The following FHIT variants were observed in gnomAD, a reference collection of about 807,000 sequenced individuals.
FHIT encodes the protein bis(5'-adenosyl)-triphosphatase.
FHIT carries 19 observed loss-of-function variants against 17.9 expected under a neutral mutation model. That is an observed-to-expected ratio of 1.06 (90% CI 0.74 to 1.56). FHIT has a LOEUF of 1.56. Ranked by LOEUF, FHIT falls within the 40% of genes most tolerant of loss-of-function variation. The pLI is 0.00. For synonymous variants in FHIT, 81 were observed against 69.7 expected (o/e 1.16, Z -0.81); for missense variants, 248 against 189.2 (o/e 1.31, Z -1.82).
Position 60,759,792 on chromosome 3 carries a change from C to T in FHIT, c.-18+62127G>A, listed in dbSNP as rs757682998. Among the ~76,000 whole-genome samples, 18 of 152,292 alleles carry T rather than the reference C, an allele frequency of 1.2e-4. No homozygotes were observed. In the East Asian group the frequency reaches 1.7e-3, roughly 15 times the overall value. ...ACCCAGACAAGTGCATTCTGAGAAG[C>T]GGTGGGGATGAAAGTGGGATGGAGA... On this transcript the variant is annotated intron_variant, in intron 4 of 9. Coordinates refer to ENST00000492590, the MANE Select transcript of FHIT (RefSeq NM_002012.4).
intron 4 of FHIT, 65 bp from the exon 5 acceptor site, chr3:60,537,044 A>T: frequency 7.5e-7 from 1 of 1,339,494 alleles, no homozygotes; most frequent in Non-Finnish European, 1.0e-6. Context: ...ATACCACCTT[A>T]AAGAAAGCAA....
chr3:60,872,640 A>G (rs1050035104), intron 3 of FHIT, among the ~76,000 whole-genome samples: 1 of 152,194 alleles, frequency 6.6e-6, no homozygotes, highest in Admixed American at 6.5e-5. Flanking sequence ...CTCAGTCATT[A>G]GCCCATAACG....
At chr3:60,288,566 A>AGTGTGTGTGTGT (rs139336094) in intron 5 of FHIT, among the ~76,000 whole-genome samples, 70 of 144,662 alleles carry the variant, frequency 4.8e-4, no homozygotes, top group African/African-American at 7.7e-4. Context: ...GTTCTGGCAC[A>AGTGTGTGTGTGT]GTGTGTGTGT....
intron 8 of FHIT, among the ~76,000 whole-genome samples, chr3:59,758,902 G>T (rs1206084858): frequency 6.6e-6 from 1 of 151,972 alleles, no homozygotes; most frequent in Non-Finnish European, 1.5e-5. Context: ...ATGCTTGTGG[G>T]TGGCAGTTTC....
chr3:60,101,997 A>T (rs1036017266), intron 5 of FHIT, among the ~76,000 whole-genome samples: 36 of 152,290 alleles, frequency 2.4e-4, no homozygotes, highest in African/African-American at 8.4e-4. Flanking sequence ...TTCCTCTAGG[A>T]TTTCAAAAGA....
intron 4 of FHIT, among the ~76,000 whole-genome samples, chr3:60,687,087 A>C (rs569366552): frequency 2.0e-5 from 3 of 152,352 alleles, no homozygotes; most frequent in East Asian, 3.9e-4. Context: ...AATATTTACA[A>C]TGTTAACGTT....
At position 59,791,690 on chromosome 3, in the gene FHIT, C is replaced by T. The variant is rs116073086; in HGVS notation, c.349-39369G>A. On this transcript the variant is annotated intron_variant, in intron 8 of 9. Transcript: ENST00000492590. ...TGTATTCCCAATGCTGAGTATAGGC[C>T]TTGTCCTTAGTAAAGGCTTGTTGAA... Among the ~76,000 whole-genome samples, 156 of 152,062 alleles carry T rather than the reference C, an allele frequency of 1.0e-3. 1 individual carries two copies. Among genetic ancestry groups the T allele is most frequent in the African/African-American group, 3.7e-3 (152 of 41,446 alleles).
chr3:59,773,403 G>A (rs112936396), intron 8 of FHIT, among the ~76,000 whole-genome samples: 2 of 152,168 alleles, frequency 1.3e-5, no homozygotes, highest in Non-Finnish European at 2.9e-5. Context: ...AAAAAGCTGC[G>A]TATCTTCTCT....
intron 5 of FHIT, among the ~76,000 whole-genome samples, chr3:60,172,078 A>G (rs568849093): frequency 6.6e-6 from 1 of 152,198 alleles, no homozygotes; most frequent in East Asian, 1.9e-4. Flanking sequence ...AGTAGGGGAG[A>G]CAGGTATTAT....
At chr3:59,977,717 T>A (rs1018313155) in intron 7 of FHIT, among the ~76,000 whole-genome samples, 2 of 152,128 alleles carry the variant, frequency 1.3e-5, no homozygotes, top group Admixed American at 6.6e-5. Flanking sequence ...GCAAAGAGAT[T>A]CTCTCATGCC....
chr3:60,294,555 T>A (rs908593481), intron 5 of FHIT, among the ~76,000 whole-genome samples: 7 of 152,140 alleles, frequency 4.6e-5, no homozygotes, highest in Non-Finnish European at 8.8e-5. Context: ...GTGCCTAAAA[T>A]AACAATTACA....
At chr3:60,012,892 A>G (rs1700195726) in intron 6 of FHIT, among the ~76,000 whole-genome samples, 1 of 152,186 alleles carries the variant, frequency 6.6e-6, no homozygotes, top group South Asian at 2.1e-4. Flanking sequence ...TTATTCTTGT[A>G]TCTCACTAAA....
At chr3:61,249,933 AAC>A (rs71100943) in intron 1 of FHIT, among the ~76,000 whole-genome samples, 21,858 of 125,466 alleles carry the variant, frequency 0.17, 2,231 homozygotes, top group Non-Finnish European at 0.24. Context: ...AATCAATAAC[AAC>A]ACACACACAC....
intron 4 of FHIT, among the ~76,000 whole-genome samples, chr3:60,774,539 G>C (rs1156666396): frequency 6.6e-6 from 1 of 152,106 alleles, no homozygotes; most frequent in Non-Finnish European, 1.5e-5. Context: ...GACCTCAAGT[G>C]ATCTGCCCAC....
chr3:60,851,959 T>C (rs1442893804), intron 3 of FHIT, among the ~76,000 whole-genome samples: 2 of 152,158 alleles, frequency 1.3e-5, no homozygotes, highest in African/African-American at 4.8e-5. Flanking sequence ...ATTTTATGTA[T>C]CAACTTGACT....
At chr3:60,531,407 T>C (rs1315237555) in intron 5 of FHIT, among the ~76,000 whole-genome samples, 1 of 150,610 alleles carries the variant, frequency 6.6e-6, no homozygotes, top group Non-Finnish European at 1.5e-5. Context: ...GCCTCCCGAG[T>C]AGCTGGGACT....
intron 5 of FHIT, among the ~76,000 whole-genome samples, chr3:60,099,937 C>A (rs928777762): frequency 2.0e-5 from 3 of 152,180 alleles, no homozygotes; most frequent in African/African-American, 7.2e-5. Flanking sequence ...TCATGCTTCA[C>A]ACAGTAGAAG....
intron 3 of FHIT, among the ~76,000 whole-genome samples, chr3:60,875,969 G>C (rs1270798349): frequency 2.6e-4 from 37 of 141,060 alleles, no homozygotes; most frequent in African/African-American, 9.0e-4. Flanking sequence ...GTGTGTAAAT[G>C]AATAGATATT....
At chr3:60,718,462 GA>G (rs1188277656) in intron 4 of FHIT, among the ~76,000 whole-genome samples, 3 of 152,098 alleles carry the variant, frequency 2.0e-5, no homozygotes, top group Non-Finnish European at 4.4e-5. Context: ...ATAAATCAGT[GA>G]TTTTCCTTCC....
Sources: gnomAD v4.1 joint callset for allele counts (sites outside exome capture counted in the v4.1 genomes callset) on GRCh38, gnomAD v4.1.1 for gene constraint, MANE v1.5 for transcripts, NCBI Gene and HGNC (gene_info 2026-07-23, HGNC 2026-07-21) for gene names.